Variants in TBX15 observed in about 807,000 individuals in gnomAD.
The protein encoded by TBX15 is T-box transcription factor 15.
Under a neutral mutation model 53.9 loss-of-function variants are expected in TBX15, and 18 were observed. That is an observed-to-expected ratio of 0.33 (90% CI 0.23 to 0.49). The LOEUF is 0.49. Among genes scored for constraint, TBX15 ranks in the 20% least tolerant of loss-of-function variants. TBX15 has a pLI of 0.98. For missense variants in TBX15, 692 were observed against 749.5 expected (o/e 0.92, Z 0.90); for synonymous variants, 295 against 278.0 (o/e 1.06, Z -0.61).
chr1:118,979,971 C>CGGGCGGAG (rs1278707616), intron 1 of TBX15, among the ~76,000 whole-genome samples: 1 of 152,178 alleles, frequency 6.6e-6, no homozygotes, highest in Non-Finnish European at 1.5e-5. Context: ...CCTCCAAGGC[C>CGGGCGGAG]GGGCCGAGGG....
At chr1:118,957,182 T>C (rs549576797) in intron 1 of TBX15, among the ~76,000 whole-genome samples, 5 of 152,170 alleles carry the variant, frequency 3.3e-5, no homozygotes, top group African/African-American at 9.6e-5. Flanking sequence ...TGTTGAACAA[T>C]GAAAAAAATT....
chr1:118,969,120 C>G (rs1415368396), intron 1 of TBX15, among the ~76,000 whole-genome samples: 2 of 152,188 alleles, frequency 1.3e-5, no homozygotes, highest in Non-Finnish European at 2.9e-5. Context: ...CACCATGTTC[C>G]TTAGCATCGT....
intron 1 of TBX15, among the ~76,000 whole-genome samples, chr1:118,963,852 T>C (rs1656955550): frequency 6.6e-6 from 1 of 152,240 alleles, no homozygotes; most frequent in African/African-American, 2.4e-5. Context: ...AGTTGATACA[T>C]GTTTGCACAC....
chr1:118,987,491 G>C, intron 1 of TBX15, 100 bp downstream of exon 1: 7 of 1,340,096 alleles, frequency 5.2e-6, no homozygotes, highest in African/African-American at 1.5e-5. Context: ...GGCAAGGCAG[G>C]GCGTCAATGG....
rs1032526509 is a variant in TBX15, at chr1:118,960,424, T to A, written c.205+27167A>T. Among the ~76,000 whole-genome samples the A allele has an allele frequency of 3.9e-5, 6 of 152,194 alleles. No homozygotes were observed. The South Asian group carries it at 6.2e-4, about 16-fold the overall frequency. On this transcript the variant is annotated intron_variant, in intron 1 of 7. Coordinates refer to ENST00000369429, the MANE Select transcript of TBX15 (RefSeq NM_001330677.2). ...GCTCTTCACTGCCCTTGCACCTCCA[T>A]CTAACCTTTGAAGCGAATGGCTTGG...
intron 3 of TBX15, 35 bp downstream of exon 3, chr1:118,926,475 A>C: frequency 3.2e-6 from 5 of 1,558,414 alleles, no homozygotes; most frequent in Non-Finnish European, 4.4e-6. Flanking sequence ...AATGCTGGTG[A>C]TACCCACATT....
chr1:118,942,177 G>A (rs747358144), intron 1 of TBX15, among the ~76,000 whole-genome samples: 2 of 152,156 alleles, frequency 1.3e-5, no homozygotes, highest in Non-Finnish European at 2.9e-5. Context: ...GGCAGAAATG[G>A]GGAAGAAAGA....
intron 1 of TBX15, among the ~76,000 whole-genome samples, chr1:118,979,672 CT>C (rs1398234510): frequency 1.3e-5 from 2 of 152,174 alleles, no homozygotes; most frequent in Non-Finnish European, 2.9e-5. Flanking sequence ...TGGGGGGTGT[CT>C]TTCACCAGGG....
intron 6 of TBX15, among the ~76,000 whole-genome samples, chr1:118,910,658 AT>A (rs1338627049): frequency 2.6e-5 from 4 of 152,202 alleles, no homozygotes; most frequent in African/African-American, 9.7e-5. Context: ...ATTTTGAGAT[AT>A]TTAAAGAGAA....
intron 5 of TBX15, 37 bp from the exon 6 acceptor site, chr1:118,914,216 T>C: frequency 6.3e-7 from 1 of 1,581,174 alleles, no homozygotes; most frequent in Non-Finnish European, 8.7e-7. Context: ...TGCTTTTATA[T>C]TAACTGATTT....
intron 6 of TBX15, among the ~76,000 whole-genome samples, chr1:118,912,502 A>C (rs1655057050): frequency 6.6e-6 from 1 of 152,140 alleles, no homozygotes; most frequent in South Asian, 2.1e-4. Flanking sequence ...CTGTCATGAA[A>C]GTCCTGCCCC....
chr1:118,987,528 G>A (rs1350565580), intron 1 of TBX15, 63 bp downstream of exon 1: 16 of 1,502,120 alleles, frequency 1.1e-5, no homozygotes, highest in East Asian at 2.5e-5. Context: ...ACCCGCGACC[G>A]GCGACTGGCC....
chr1:118,957,514 A>G (rs538252935), intron 1 of TBX15, among the ~76,000 whole-genome samples: 16 of 152,352 alleles, frequency 1.1e-4, no homozygotes, highest in African/African-American at 3.4e-4. Flanking sequence ...GTACATGTGC[A>G]CAACGTGCAG....
chr1:118,930,141 T>C (rs1655732342), intron 2 of TBX15, among the ~76,000 whole-genome samples: 1 of 152,268 alleles, frequency 6.6e-6, no homozygotes. Flanking sequence ...TTATTTTAAC[T>C]TCATGTTTTT....
At chr1:118,895,242 A>G (rs1654382407) in intron 7 of TBX15, among the ~76,000 whole-genome samples, 1 of 152,214 alleles carries the variant, frequency 6.6e-6, no homozygotes, top group Admixed American at 6.5e-5. Context: ...TGAACTCGGT[A>G]GTGATGTCCA....
intron 3 of TBX15, among the ~76,000 whole-genome samples, chr1:118,925,543 G>A (rs914140782): frequency 2.0e-5 from 3 of 152,142 alleles, no homozygotes; most frequent in Admixed American, 6.6e-5. Context: ...CAGTTTTCCC[G>A]ACTTTGCCAA....
chr1:118,988,100 G>GT lies in TBX15; in HGVS notation c.-306dup. 1 of 484,692 alleles carries GT rather than the reference G, an allele frequency of 2.1e-6. No individual in the cohort carries two copies. The highest frequency in any genetic ancestry group is 3.7e-6 in the Non-Finnish European group (1 of 273,804). 30.0% of individuals were successfully genotyped at this position (484,692 alleles called of 1,614,324 possible). On this transcript the variant is annotated 5_prime_UTR_variant, in exon 1 of 8. The change abolishes the stop of an existing upstream ORF in the 5' untranslated region. Coordinates refer to ENST00000369429, the MANE Select transcript of TBX15 (RefSeq NM_001330677.2). ...CCACCGGGGCAGGCGCTCACAGACT[G>GT]TGTCCACTGAACTTCATCTTGTTTT...
intron 1 of TBX15, among the ~76,000 whole-genome samples, chr1:118,966,118 A>G (rs1657026444): frequency 6.6e-6 from 1 of 152,248 alleles, no homozygotes; most frequent in South Asian, 2.1e-4. Context: ...AAAATATCAC[A>G]GCCTATTAGA....
intron 6 of TBX15, among the ~76,000 whole-genome samples, chr1:118,906,425 G>T (rs537105326): frequency 6.6e-6 from 1 of 152,048 alleles, no homozygotes; most frequent in South Asian, 2.1e-4. Flanking sequence ...ACTTTTCCTC[G>T]TCCCTTCTTT....
Sources: allele counts gnomAD v4.1 joint callset (sites outside exome capture counted in the v4.1 genomes callset), GRCh38; gene constraint gnomAD v4.1.1; transcripts MANE v1.5; gene names NCBI Gene and HGNC (gene_info 2026-07-23, HGNC 2026-07-21).